The following ZNF503 variants were observed in gnomAD, a reference collection of about 807,000 sequenced individuals.
ZNF503 encodes the protein zinc finger protein 503.
ZNF503 carries 15 observed loss-of-function variants against 34.4 expected under a neutral mutation model. The ratio of observed to expected loss-of-function variants is 0.44; its 90% confidence interval spans 0.29 to 0.67. The LOEUF (loss-of-function observed/expected upper bound fraction) is 0.67. Among genes scored for constraint, ZNF503 ranks in the 30% least tolerant of loss-of-function variants. The pLI is 0.13. For missense variants in ZNF503, 1,007 were observed against 926.8 expected, an observed-to-expected ratio of 1.09 and a Z score of -1.12; for synonymous variants, 580 against 456.8, an observed-to-expected ratio of 1.27 and a Z score of -3.44.
the ZNF503 span, among the ~76,000 whole-genome samples, chr10:75,388,399 T>C: frequency 6.6e-6 from 1 of 152,134 alleles, no homozygotes; most frequent in Admixed American, 6.5e-5. Flanking sequence ...CATATGGCTG[T>C]TGGGAGCCAG....
At chr10:75,346,288 G>A in the ZNF503 span, among the ~76,000 whole-genome samples, 1 of 152,058 alleles carries the variant, frequency 6.6e-6, no homozygotes, top group African/African-American at 2.4e-5. Context: ...GTCTCACAGG[G>A]CCCTGTCCTT....
the ZNF503 span, among the ~76,000 whole-genome samples, chr10:75,365,153 C>G: frequency 6.6e-6 from 1 of 152,170 alleles, no homozygotes; most frequent in Non-Finnish European, 1.5e-5. Context: ...CTCAGTTTTT[C>G]CTTTTTTTTC....
At chr10:75,283,996 C>T in the ZNF503 span, 1 of 152,076 alleles carries the variant, frequency 6.6e-6, no homozygotes, top group Non-Finnish European at 1.5e-5. Context: ...GTCTCCAGTC[C>T]CAAAGGGTAA....
chr10:75,398,819 C>T lies in ZNF503; in HGVS notation c.1871G>A (p.Gly624Glu), dbSNP rs372696627. 1.3e-6 allele frequency: 2 copies of T among 1,498,958 alleles called. No individual in the cohort carries two copies. Among genetic ancestry groups the T allele is most frequent in the Non-Finnish European group, 8.8e-7 (1 of 1,130,450 alleles). 92.9% of individuals were successfully genotyped at this position (1,498,958 alleles called of 1,614,324 possible). The change falls in exon 2 of 2, where the codon GGA (glycine) becomes GAA (glutamate). Residue 624 changes from glycine to glutamate, a missense_variant. Coordinates refer to ENST00000372524, the MANE Select transcript of ZNF503 (RefSeq NM_032772.6). The stretch of plus-strand genomic sequence containing the variant: ...GAGGGCGTAGGGGGAGTAGTACGGT[C>T]CGGTGGCGGCGGGCACCGGCACGGG... ...GAPVPVPAAT[G>E]PYYSPYALYG... is the part of the protein sequence containing the mutation.
chr10:75,382,859 C>G, the ZNF503 span: 4 of 269,970 alleles, frequency 1.5e-5, no homozygotes, highest in African/African-American at 9.2e-5. Context: ...TTGGTAAGAA[C>G]TGCCTATGGA....
rs1352478993 is a variant in ZNF503, at chr10:75,398,928, C to A, written c.1762G>T (p.Ala588Ser). The part of the protein sequence containing the change: ...SGAPGSPGTL[A>S]LRSPHHALGL... ...AGCGCGTGGTGGGGGCTGCGCAGCG[C>A]CAGCGTCCCAGGGCTGCCCGGTGCG... The change falls in exon 2 of 2, where the codon GCG (alanine) becomes TCG (serine). Residue 588 changes from alanine (A) to serine (S), a missense_variant. Physicochemically the swap from Ala to Ser is moderately conservative, Grantham distance 99. Coordinates refer to ENST00000372524, the MANE Select transcript of ZNF503 (RefSeq NM_032772.6). 6.3e-7 allele frequency: 1 copy of A among 1,586,508 alleles called. No individual in the cohort carries two copies. The highest frequency in any genetic ancestry group is 1.1e-5 in the South Asian group (1 of 88,098).
At position 75,399,316 on chromosome 10, in the gene ZNF503, C is replaced by G. The variant is rs775339623; in HGVS notation, c.1374G>C (p.Ala458=). The change falls in exon 2 of 2, where the codon GCG becomes GCC. Residue 458 remains alanine, a synonymous_variant. Transcript: ENST00000372524. The stretch of plus-strand genomic sequence containing the variant: ...GGTATCCGGACTTCAGCGCCGCAGC[C>G]GCAGCAGCCGGATCATGTGCGCAAG... ...SASCAHDPAA[A]AAALKSGYPL... The G allele has an allele frequency of 2.1e-5, 33 of 1,602,900 alleles. No individual in the cohort carries two copies. The highest frequency in any genetic ancestry group is 8.5e-7 in the Non-Finnish European group (1 of 1,176,486).
chr10:75,299,708 G>T, the ZNF503 span, among the ~76,000 whole-genome samples: 2 of 152,174 alleles, frequency 1.3e-5, no homozygotes, highest in Non-Finnish European at 2.9e-5. Context: ...AAATTTTAAA[G>T]CTGGGCATCT....
the ZNF503 span, chr10:75,295,645 C>A: frequency 6.6e-6 from 1 of 152,140 alleles, no homozygotes; most frequent in South Asian, 2.1e-4. The surrounding 1 kb of genome is among the most constrained non-coding windows in gnomAD (Gnocchi z 4.0). Context: ...TCGGCCCAGC[C>A]AGATGGTAGC....
chr10:75,321,076 G>GT, the ZNF503 span, among the ~76,000 whole-genome samples: 2 of 152,144 alleles, frequency 1.3e-5, no homozygotes, highest in African/African-American at 4.8e-5. Context: ...TGCCATTCTT[G>GT]TGATAGAGTT....
At chr10:75,376,733 G>T in the ZNF503 span, among the ~76,000 whole-genome samples, 1 of 152,154 alleles carries the variant, frequency 6.6e-6, no homozygotes, top group Non-Finnish European at 1.5e-5. Flanking sequence ...TGGCTGGGGA[G>T]GCCTCAGGAA....
At chr10:75,369,145 A>C in the ZNF503 span, among the ~76,000 whole-genome samples, 1 of 152,236 alleles carries the variant, frequency 6.6e-6, no homozygotes, top group Non-Finnish European at 1.5e-5. Flanking sequence ...TCTCACTTGT[A>C]TCAAAAATTA....
chr10:75,295,255 C>A, the ZNF503 span, among the ~76,000 whole-genome samples: 3 of 151,762 alleles, frequency 2.0e-5, no homozygotes, highest in African/African-American at 7.3e-5. The surrounding 1 kb of genome is among the most constrained non-coding windows in gnomAD (Gnocchi z 4.0). Context: ...AGGGGCGCGC[C>A]CCCTCATGGG....
At chr10:75,290,216 A>G in the ZNF503 span, among the ~76,000 whole-genome samples, 1 of 152,128 alleles carries the variant, frequency 6.6e-6, no homozygotes, top group Admixed American at 6.6e-5. Flanking sequence ...CATATACCCC[A>G]TTCTGTTTAT....
chr10:75,336,994 A>G, the ZNF503 span, among the ~76,000 whole-genome samples: 2,319 of 152,260 alleles, frequency 0.015, 24 homozygotes, highest in Non-Finnish European at 0.024. Flanking sequence ...TAATCTCTCT[A>G]TCTTAAGGTC....
At chr10:75,281,226 G>A in the ZNF503 span, among the ~76,000 whole-genome samples, 1 of 152,164 alleles carries the variant, frequency 6.6e-6, no homozygotes, top group Non-Finnish European at 1.5e-5. Flanking sequence ...ATGTGACCTA[G>A]TTTGCACCCG....
chr10:75,391,040 C>T, the ZNF503 span, among the ~76,000 whole-genome samples: 1 of 152,172 alleles, frequency 6.6e-6, no homozygotes, highest in Non-Finnish European at 1.5e-5. Flanking sequence ...TTAGGTTCTA[C>T]CTTTATGACT....
At chr10:75,303,996 G>A in the ZNF503 span, among the ~76,000 whole-genome samples, 1 of 152,130 alleles carries the variant, frequency 6.6e-6, no homozygotes, top group South Asian at 2.1e-4. Context: ...ACCACACCTG[G>A]CTAATTTTTG....
At chr10:75,381,122 T>C in the ZNF503 span, among the ~76,000 whole-genome samples, 2 of 152,244 alleles carry the variant, frequency 1.3e-5, no homozygotes, top group African/African-American at 2.4e-5. Flanking sequence ...TAGCCTCTCT[T>C]GTAGCTAGAT....
Sources: allele counts gnomAD v4.1 joint callset (sites outside exome capture counted in the v4.1 genomes callset), GRCh38; gene constraint gnomAD v4.1.1; non-coding constraint Gnocchi (gnomAD v3.1); transcripts MANE v1.5; gene names NCBI Gene and HGNC (gene_info 2026-07-23, HGNC 2026-07-21).